LUZP2: variants seen among roughly 807,000 people sequenced by gnomAD.
The protein encoded by LUZP2 is leucine zipper protein 2.
LUZP2 carries 52 observed loss-of-function variants against 51.6 expected under a neutral mutation model. The ratio of observed to expected loss-of-function variants is 1.01; its 90% CI spans 0.81 to 1.27. LUZP2 has a LOEUF of 1.27. Ranked by LOEUF, LUZP2 falls within the 50% of genes most tolerant of loss-of-function variation. The pLI, the probability that LUZP2 is intolerant of heterozygous loss-of-function variation, is 0.00. For synonymous variants in LUZP2, 154 were observed against 137.3 expected (o/e 1.12, Z -0.85); for missense variants, 436 against 395.4 (o/e 1.10, Z -0.87).
rs573527333 is a variant in LUZP2, at chr11:24,567,989, A to G, written c.62+70684A>G. 2.6e-5 allele frequency among the ~76,000 whole-genome samples: 4 copies of G among 152,248 alleles called. No homozygotes were observed. The East Asian group carries it at 7.7e-4, about 29-fold the overall frequency. Reference sequence around the variant, plus strand: ...CAACTTAATAAAATTGCATAAAATAAAACATCTAAACAATCTAATCAAAAG... The same window carrying G: ...CAACTTAATAAAATTGCATAAAATAGAACATCTAAACAATCTAATCAAAAG... On this transcript the variant is annotated intron_variant, in intron 1 of 11. Coordinates refer to ENST00000336930, the MANE Select transcript of LUZP2 (RefSeq NM_001009909.4).
chr11:25,028,263 G>A (rs1231613614), intron 9 of LUZP2, among the ~76,000 whole-genome samples: 3 of 151,838 alleles, frequency 2.0e-5, no homozygotes, highest in Non-Finnish European at 4.4e-5. Context: ...AATTATTGTC[G>A]ACTGTAATCA....
chr11:24,765,702 A>C (rs1424800815), intron 5 of LUZP2, among the ~76,000 whole-genome samples: 2 of 140,912 alleles, frequency 1.4e-5, no homozygotes, highest in African/African-American at 5.4e-5. Flanking sequence ...ATCTCGGCTC[A>C]CTGCAAGCTG....
chr11:24,549,124 C>A (rs1423927578), intron 1 of LUZP2, among the ~76,000 whole-genome samples: 1 of 151,870 alleles, frequency 6.6e-6, no homozygotes, highest in Non-Finnish European at 1.5e-5. Context: ...GTTTAAAATG[C>A]AAGTATATTG....
chr11:24,520,975 G>C (rs1480315572), intron 1 of LUZP2, among the ~76,000 whole-genome samples: 3 of 152,166 alleles, frequency 2.0e-5, no homozygotes, highest in Non-Finnish European at 4.4e-5. Context: ...GACAATGCGT[G>C]TTTTTAGTTC....
intron 5 of LUZP2, among the ~76,000 whole-genome samples, chr11:24,871,898 T>C (rs1852088022): frequency 6.6e-6 from 1 of 152,136 alleles, no homozygotes; most frequent in South Asian, 2.1e-4. Context: ...ACTATAATAG[T>C]ATACAGTGAT....
rs889752606 is a variant in LUZP2, at chr11:24,921,118, G to T, written c.522+6580G>T. 2.0e-5 allele frequency among the ~76,000 whole-genome samples: 3 copies of T among 152,010 alleles called. No homozygotes were observed. The South Asian group carries it at 6.2e-4, about 32-fold the overall frequency. On this transcript the variant is annotated intron_variant, in intron 7 of 11. Coordinates refer to ENST00000336930, the MANE Select transcript of LUZP2 (RefSeq NM_001009909.4). Reference sequence around the variant, plus strand: ...CTCCCACTGATAGGATTAACGACAGGGACACAGGTGGAGTGGTTTTAGGAA... The same window carrying T: ...CTCCCACTGATAGGATTAACGACAGTGACACAGGTGGAGTGGTTTTAGGAA...
chr11:24,917,767 A>G (rs528509335), intron 7 of LUZP2, among the ~76,000 whole-genome samples: 254 of 152,232 alleles, frequency 1.7e-3, no homozygotes, highest in African/African-American at 5.8e-3. Flanking sequence ...GTCAGGTAGC[A>G]TGATGTCTCC....
At chr11:24,939,817 G>A (rs931563482) in intron 7 of LUZP2, among the ~76,000 whole-genome samples, 1 of 152,086 alleles carries the variant, frequency 6.6e-6, no homozygotes, top group African/African-American at 2.4e-5. Flanking sequence ...TATATATATA[G>A]TGCTTCTTTG....
intron 5 of LUZP2, among the ~76,000 whole-genome samples, chr11:24,803,996 G>GAAAAAAAAAAAA: frequency 9.4e-6 from 1 of 106,078 alleles, no homozygotes; most frequent in African/African-American, 3.3e-5. Flanking sequence ...TGCCATAAAG[G>GAAAAAAAAAAAA]AAAAAAAAAA....
intron 1 of LUZP2, among the ~76,000 whole-genome samples, chr11:24,657,760 C>T (rs1206428373): frequency 6.6e-6 from 1 of 152,150 alleles, no homozygotes; most frequent in Non-Finnish European, 1.5e-5. Context: ...GTACAAAAAT[C>T]ACAAGCATTC....
At chr11:25,052,101 G>T (rs1858533713) in intron 10 of LUZP2, among the ~76,000 whole-genome samples, 1 of 152,066 alleles carries the variant, frequency 6.6e-6, no homozygotes, top group South Asian at 2.1e-4. Flanking sequence ...CCTGACTTCT[G>T]TCCTCTAGAC....
At chr11:24,810,649 G>T (rs1400996510) in intron 5 of LUZP2, among the ~76,000 whole-genome samples, 1 of 152,128 alleles carries the variant, frequency 6.6e-6, no homozygotes, top group East Asian at 1.9e-4. Flanking sequence ...TGTATAGTGT[G>T]TTGTAAGATA....
intron 5 of LUZP2, among the ~76,000 whole-genome samples, chr11:24,873,867 G>T (rs1269373317): frequency 6.6e-6 from 1 of 152,146 alleles, no homozygotes; most frequent in Non-Finnish European, 1.5e-5. Context: ...TAGCTTTCTT[G>T]CAGGGCTGTT....
At chr11:24,998,931 T>G (rs1191293034) in intron 9 of LUZP2, among the ~76,000 whole-genome samples, 1 of 152,192 alleles carries the variant, frequency 6.6e-6, no homozygotes, top group Non-Finnish European at 1.5e-5. Context: ...TTTAAAATTT[T>G]AAAACTGTTT....
chr11:24,635,735 A>C (rs562516019), intron 1 of LUZP2, among the ~76,000 whole-genome samples: 4 of 152,254 alleles, frequency 2.6e-5, no homozygotes, highest in Middle Eastern at 6.8e-3. Context: ...ACCCTGTGAA[A>C]CTTGAAACAA....
intron 5 of LUZP2, among the ~76,000 whole-genome samples, chr11:24,765,635 T>C (rs1219026375): frequency 6.7e-6 from 1 of 149,618 alleles, no homozygotes. Context: ...TTTTCTTTTT[T>C]TTTTTTTTTT....
intron 10 of LUZP2, among the ~76,000 whole-genome samples, chr11:25,052,251 C>A (rs7116708): frequency 0.9 from 136,754 of 152,150 alleles, 62,460 homozygotes; most frequent in Non-Finnish European, 0.98. Context: ...TGTGAGTAAT[C>A]GGAATTAGTG....
intron 5 of LUZP2, among the ~76,000 whole-genome samples, chr11:24,784,086 C>G (rs1849171036): frequency 6.6e-6 from 1 of 151,852 alleles, no homozygotes. Flanking sequence ...TGATGCATCC[C>G]TTCATGTTCA....
chr11:24,641,365 A>G (rs1011203099), intron 1 of LUZP2, among the ~76,000 whole-genome samples: 3 of 151,864 alleles, frequency 2.0e-5, no homozygotes, highest in African/African-American at 4.9e-5. Context: ...CAACTTTACC[A>G]TCTTTGCATA....
Sources: allele counts gnomAD v4.1 joint callset (sites outside exome capture counted in the v4.1 genomes callset), GRCh38; gene constraint gnomAD v4.1.1; transcripts MANE v1.5; gene names NCBI Gene and HGNC (gene_info 2026-07-23, HGNC 2026-07-21).